The following CSMD1 variants were observed in gnomAD, a reference collection of about 807,000 sequenced individuals.
CSMD1 encodes the protein CUB and sushi domain-containing protein 1.
CSMD1 carries 213 observed loss-of-function variants against 417.5 expected under a neutral mutation model. The ratio of observed to expected loss-of-function variants is 0.51; its 90% CI spans 0.46 to 0.57. The LOEUF is 0.57. Among genes scored for constraint, CSMD1 ranks in the 20% least tolerant of loss-of-function variants. The pLI is 0.00. For missense variants in CSMD1, 6,923 were observed against 4,529.7 expected (o/e 1.53, Z -15.17); for synonymous variants, 2,862 against 1,736.8 (o/e 1.65, Z -16.11).
intron 7 of CSMD1, among the ~76,000 whole-genome samples, chr8:3,649,837 C>T (rs773830256): frequency 6.6e-5 from 10 of 152,142 alleles, no homozygotes; most frequent in Non-Finnish European, 1.3e-4. Context: ...TTTTGCAATA[C>T]CTTGCTAGAT....
intron 5 of CSMD1, among the ~76,000 whole-genome samples, chr8:3,861,003 C>A (rs1585103577): frequency 6.6e-6 from 1 of 152,272 alleles, no homozygotes; most frequent in East Asian, 1.9e-4. Context: ...GAAAGTATGA[C>A]AGATATGTAA....
At chr8:4,296,251 G>A (rs1038468942) in intron 3 of CSMD1, among the ~76,000 whole-genome samples, 7 of 152,040 alleles carry the variant, frequency 4.6e-5, no homozygotes, top group Admixed American at 1.3e-4. Flanking sequence ...AGAGCTGGAG[G>A]AGTTTATAGC....
chr8:4,205,989 G>A (rs866437531), intron 3 of CSMD1, among the ~76,000 whole-genome samples: 6 of 151,954 alleles, frequency 3.9e-5, no homozygotes, highest in East Asian at 1.9e-4. Flanking sequence ...TCTACTTCAG[G>A]AATTTTCTTT....
chr8:3,881,239 C>A (rs1011102202), intron 5 of CSMD1, among the ~76,000 whole-genome samples: 6 of 140,562 alleles, frequency 4.3e-5, no homozygotes, highest in African/African-American at 1.1e-4. Flanking sequence ...CAAACCTCAA[C>A]AGAGTTTTGT....
chr8:3,986,589 T>G (rs1486222193), intron 5 of CSMD1, among the ~76,000 whole-genome samples: 1 of 152,182 alleles, frequency 6.6e-6, no homozygotes, highest in Non-Finnish European at 1.5e-5. Flanking sequence ...TCTAATTATT[T>G]ATTTTTTCCC....
intron 2 of CSMD1, among the ~76,000 whole-genome samples, chr8:4,511,508 T>A (rs1458005287): frequency 6.6e-6 from 1 of 152,254 alleles, no homozygotes; most frequent in Non-Finnish European, 1.5e-5. Context: ...GTCACCACTC[T>A]GTCCTAAGAG....
intron 2 of CSMD1, among the ~76,000 whole-genome samples, chr8:4,569,124 C>T (rs1203549528): frequency 1.3e-5 from 2 of 152,134 alleles, no homozygotes; most frequent in Non-Finnish European, 2.9e-5. Context: ...TGTTTGTTTG[C>T]TGTGCAGAAG....
At position 3,063,041 on chromosome 8, in the gene CSMD1, C is replaced by G. The variant is rs530336873; in HGVS notation, c.7475-10394G>C. 2.0e-5 allele frequency among the ~76,000 whole-genome samples: 3 copies of G among 152,094 alleles called. No homozygotes were observed. In the South Asian group the frequency reaches 6.2e-4, roughly 32 times the overall value. On this transcript the variant is annotated intron_variant, in intron 49 of 69. Transcript: ENST00000635120. ...GTCATAAAAAACTCTGATTCGGATG[C>G]CAACCACCAATGTCCTATGGAACCC...
chr8:3,782,380 A>C (rs772386578), intron 5 of CSMD1, among the ~76,000 whole-genome samples: 1 of 152,342 alleles, frequency 6.6e-6, no homozygotes, highest in Non-Finnish European at 1.5e-5. Flanking sequence ...CTTTAACCTG[A>C]ATAATCACGA....
chr8:4,425,783 G>C (rs1337022345), intron 2 of CSMD1, among the ~76,000 whole-genome samples: 2 of 152,114 alleles, frequency 1.3e-5, no homozygotes, highest in African/African-American at 4.8e-5. Context: ...TCTTGCAGTA[G>C]CAAGTCTTCC....
At chr8:3,031,338 T>C (rs540989423) in intron 50 of CSMD1, among the ~76,000 whole-genome samples, 4 of 145,700 alleles carry the variant, frequency 2.7e-5, no homozygotes, top group Non-Finnish European at 6.1e-5. Context: ...GGTGGAGGGC[T>C]AGCACTAGGA....
At chr8:4,879,488 ATTTATAACATCTGCTG>A (rs1703479032) in intron 1 of CSMD1, among the ~76,000 whole-genome samples, 3 of 152,038 alleles carry the variant, frequency 2.0e-5, no homozygotes, top group Admixed American at 2.0e-4. Context: ...GCAAATATGA[ATTTATAACATCTGCTG>A]TTTATAAGGG....
intron 3 of CSMD1, among the ~76,000 whole-genome samples, chr8:4,316,850 C>T (rs1046967756): frequency 6.6e-6 from 1 of 152,070 alleles, no homozygotes; most frequent in African/African-American, 2.4e-5. Context: ...GTAGCTGCTT[C>T]TATTAGTGAT....
At chr8:4,294,735 T>C (rs1199328430) in intron 3 of CSMD1, among the ~76,000 whole-genome samples, 1 of 152,142 alleles carries the variant, frequency 6.6e-6, no homozygotes, top group East Asian at 1.9e-4. Flanking sequence ...ATTTTTTTCT[T>C]ACTGTAATTA....
chr8:4,256,918 T>G (rs1048530487), intron 3 of CSMD1, among the ~76,000 whole-genome samples: 1 of 152,264 alleles, frequency 6.6e-6, no homozygotes, highest in Admixed American at 6.5e-5. Context: ...GCAGAATTTA[T>G]TTTCCTTCCG....
intron 27 of CSMD1, among the ~76,000 whole-genome samples, chr8:3,224,480 T>C (rs550068427): frequency 2.6e-5 from 4 of 152,284 alleles, no homozygotes; most frequent in African/African-American, 4.8e-5. Context: ...CCCTGGTGTA[T>C]GGAAGGCTTG....
intron 3 of CSMD1, among the ~76,000 whole-genome samples, chr8:4,281,367 T>C (rs774850082): frequency 4.0e-4 from 61 of 152,178 alleles, no homozygotes; most frequent in Non-Finnish European, 7.5e-4. Context: ...CATAAGGTCT[T>C]TGCATAAACC....
At chr8:3,723,421 C>G (rs973189605) in intron 6 of CSMD1, among the ~76,000 whole-genome samples, 2 of 152,174 alleles carry the variant, frequency 1.3e-5, no homozygotes, top group Non-Finnish European at 2.9e-5. Flanking sequence ...CATATTCACT[C>G]AAGGAGGGTG....
chr8:3,299,851 T>A (rs2117332030), intron 25 of CSMD1, among the ~76,000 whole-genome samples: 1 of 152,298 alleles, frequency 6.6e-6, no homozygotes. Flanking sequence ...CTTTGTCCAG[T>A]TTCAGAGAGA....
Sources: gnomAD v4.1 joint callset for allele counts (sites outside exome capture counted in the v4.1 genomes callset) on GRCh38, gnomAD v4.1.1 for gene constraint, MANE v1.5 for transcripts, NCBI Gene and HGNC (gene_info 2026-07-23, HGNC 2026-07-21) for gene names.